Variants in BRD4 observed in about 807,000 individuals in gnomAD.
The protein encoded by BRD4 is bromodomain containing 4.
A neutral mutation model predicts 142.1 loss-of-function variants in BRD4; 16 were observed. That is an observed-to-expected ratio of 0.11 (90% CI 0.08 to 0.17). BRD4 has a LOEUF of 0.17. Ranked by LOEUF, BRD4 falls within the 10% of genes least tolerant of loss-of-function variation. The pLI is 1.00. For synonymous variants in BRD4, 833 were observed against 707.5 expected (o/e 1.18, Z -2.82); for missense variants, 1,424 against 1,810.9 (o/e 0.79, Z 3.88).
intron 1 of BRD4, among the ~76,000 whole-genome samples, chr19:15,283,905 A>G (rs1437593147): frequency 6.6e-6 from 1 of 152,200 alleles, no homozygotes; most frequent in Non-Finnish European, 1.5e-5. Context: ...CCCACCAGCA[A>G]CATTTTAGCC....
rs939033068 is a variant in BRD4 at position 15,332,537 on chromosome 19, A to G, written c.-282T>C. The stretch of plus-strand genomic sequence containing the variant: ...CCGCCGCCGCCGCCGCCGCCAGCGC[A>G]CTGACGTCACCGCGCACGCTGCGCG... On this transcript the variant is annotated 5_prime_UTR_variant, in exon 1 of 20. Transcript: ENST00000679869. 3.6e-5 allele frequency: 5 copies of G among 137,172 alleles called. No homozygotes were observed. Among genetic ancestry groups the G allele is most frequent in the Admixed American group, 7.5e-5 (1 of 13,328 alleles). The allele number at this position is 137,172 out of a possible 1,614,324, so 8.5% of individuals were successfully genotyped here.
intron 1 of BRD4, among the ~76,000 whole-genome samples, chr19:15,297,770 G>A (rs145004577): frequency 1.7e-4 from 26 of 152,200 alleles, no homozygotes; most frequent in Admixed American, 8.5e-4. Flanking sequence ...GCCAGCCTTC[G>A]TCACAGCAGA....
At chr19:15,322,659 T>G (rs1460975458) in intron 1 of BRD4, among the ~76,000 whole-genome samples, 1 of 131,344 alleles carries the variant, frequency 7.6e-6, no homozygotes, top group Non-Finnish European at 1.6e-5. Context: ...AAGACCATCC[T>G]GGTTAACACA....
At chr19:15,305,631 A>G (rs2047907111) in intron 1 of BRD4, among the ~76,000 whole-genome samples, 1 of 152,222 alleles carries the variant, frequency 6.6e-6, no homozygotes, top group Non-Finnish European at 1.5e-5. Flanking sequence ...TAGATTTAGC[A>G]TAATTTAGAT....
intron 1 of BRD4, among the ~76,000 whole-genome samples, chr19:15,288,236 C>G (rs2047754888): frequency 6.6e-6 from 1 of 152,106 alleles, no homozygotes; most frequent in Non-Finnish European, 1.5e-5. Context: ...AAAGAGAATG[C>G]CCTTAAGAAA....
chr19:15,239,626 T>C lies in BRD4; in HGVS notation c.3445+33A>G, dbSNP rs199517872. ...TGTCCAACACGGGCCTCGGGGGGCC[T>C]GAGCCCTGGCTGTGGGCAGGGAGAG... On this transcript the variant is annotated intron_variant, in intron 16 of 19. Coordinates refer to ENST00000679869, the MANE Select transcript of BRD4 (RefSeq NM_001379291.1). The surrounding 1 kb of genome is among the most constrained non-coding windows in gnomAD (Gnocchi z 7.4). 4 of 1,560,518 alleles carry C rather than the reference T, an allele frequency of 2.6e-6. No homozygotes were observed. The highest frequency in any genetic ancestry group is 2.4e-5 in the South Asian group (2 of 84,674).
chr19:15,319,984 C>T (rs1264707513), intron 1 of BRD4, among the ~76,000 whole-genome samples: 1 of 152,116 alleles, frequency 6.6e-6, no homozygotes, highest in Non-Finnish European at 1.5e-5. Flanking sequence ...TAACCAACAT[C>T]GTAATAAATT....
intron 10 of BRD4, 46 bp from the exon 11 acceptor site, chr19:15,254,308 G>A (rs1166463147): frequency 6.5e-7 from 1 of 1,536,240 alleles, no homozygotes; most frequent in Non-Finnish European, 9.0e-7. Context: ...CTGTGGCCCA[G>A]GAAGCCGCTC....
At chr19:15,261,884 G>A (rs374843300) in intron 7 of BRD4, among the ~76,000 whole-genome samples, 7 of 152,082 alleles carry the variant, frequency 4.6e-5, no homozygotes, top group South Asian at 2.1e-4. Context: ...ATGACACCCC[G>A]TTTCCAAAAA....
intron 1 of BRD4, chr19:15,331,755 G>C (rs1343817238): frequency 1.3e-5 from 2 of 150,016 alleles, no homozygotes; most frequent in African/African-American, 4.9e-5. Flanking sequence ...CGGCCCACGT[G>C]AGCGCCGCGG....
intron 14 of BRD4, among the ~76,000 whole-genome samples, chr19:15,240,380 G>T (rs1304895173): frequency 1.1e-4 from 17 of 152,206 alleles, no homozygotes; most frequent in Admixed American, 1.3e-4. Flanking sequence ...CCTGACACAT[G>T]TGGGCTTGGC....
chr19:15,315,725 C>T (rs1034550647), intron 1 of BRD4, among the ~76,000 whole-genome samples: 10 of 150,754 alleles, frequency 6.6e-5, no homozygotes, highest in African/African-American at 1.9e-4. Flanking sequence ...GCGTGGTGGC[C>T]GGCGCCTGTA....
In BRD4 at chr19:15,244,717, T is replaced by C. The variant is rs749977426; in HGVS notation, c.2204A>G (p.Gln735Arg). Residue 735 changes from glutamine to arginine, a missense_variant, in exon 12 of 20, where the codon CAG (glutamine) becomes CGG (arginine). Around this residue, in one of 16 missense-constraint regions of BRD4, gnomAD observed 598 missense variants for 647.8 expected, o/e 0.92. Transcript: ENST00000679869. The stretch of plus-strand genomic sequence containing the variant: ...GCCCCTGAGCCCATGTACCTTCTTC[T>C]GCTCCCTCCCGGGGTGCCCCTTCTT... Reference protein sequence around the residue: ...SKKKGHPGREQKKHHHHHHQQ... With the variant: ...SKKKGHPGRERKKHHHHHHQQ... 6.2e-7 allele frequency: 1 copy of C among 1,614,156 alleles called. No homozygotes were observed. The highest frequency in any genetic ancestry group is 8.5e-7 in the Non-Finnish European group (1 of 1,180,018).
chr19:15,297,045 G>A (rs546219446), intron 1 of BRD4, among the ~76,000 whole-genome samples: 232 of 152,290 alleles, frequency 1.5e-3, no homozygotes, highest in Middle Eastern at 3.4e-3. Flanking sequence ...GGTGGATTTC[G>A]TAACATCTAC....
intron 5 of BRD4, 83 bp downstream of exon 5, chr19:15,265,271 G>T: frequency 7.7e-7 from 1 of 1,307,118 alleles, no homozygotes; most frequent in Non-Finnish European, 1.0e-6. Context: ...CGGGACCCAG[G>T]ACAGGCTCTG....
At chr19:15,286,543 G>GTA (rs1461963751) in intron 1 of BRD4, among the ~76,000 whole-genome samples, 1 of 152,168 alleles carries the variant, frequency 6.6e-6, no homozygotes, top group Non-Finnish European at 1.5e-5. Context: ...GAGAAAGCAG[G>GTA]TATGCTTACC....
intron 1 of BRD4, among the ~76,000 whole-genome samples, chr19:15,305,756 A>T (rs746649210): frequency 6.6e-6 from 1 of 152,222 alleles, no homozygotes; most frequent in Non-Finnish European, 1.5e-5. Context: ...CTTTGAAGCC[A>T]AGTATTGATT....
At chr19:15,293,763 G>C (rs1167824643) in intron 1 of BRD4, among the ~76,000 whole-genome samples, 1 of 152,050 alleles carries the variant, frequency 6.6e-6, no homozygotes, top group African/African-American at 2.4e-5. Flanking sequence ...TCCTCCTCTG[G>C]AACTTTTGCA....
intron 1 of BRD4, among the ~76,000 whole-genome samples, chr19:15,294,625 G>A (rs1046816627): frequency 6.6e-6 from 1 of 152,218 alleles, no homozygotes; most frequent in African/African-American, 2.4e-5. Context: ...AACAGCTCAG[G>A]AGAGGATCGT....
Sources: gnomAD v4.1 joint callset for allele counts (sites outside exome capture counted in the v4.1 genomes callset) on GRCh38, gnomAD v4.1.1 for gene constraint, gnomAD v4.1.1 regional missense constraint, Gnocchi (gnomAD v3.1) non-coding constraint, MANE v1.5 for transcripts, NCBI Gene and HGNC (gene_info 2026-07-23, HGNC 2026-07-21) for gene names.